Variants in SPHKAP observed in about 807,000 individuals in gnomAD.
SPHKAP encodes the protein SPHK1 interactor, AKAP domain containing.
SPHKAP carries 67 observed loss-of-function variants against 137.5 expected under a neutral mutation model. The observed-to-expected ratio is 0.49, with a 90% CI of 0.40 to 0.60. The LOEUF (loss-of-function observed/expected upper bound fraction) is 0.60, where lower values mean the gene tolerates loss of function less well. Among genes scored for constraint, SPHKAP ranks in the 20% least tolerant of loss-of-function variants. The pLI is 0.00. For missense variants in SPHKAP, 2,097 were observed against 2,069.3 expected (o/e 1.01, Z -0.26); for synonymous variants, 813 against 785.3 (o/e 1.04, Z -0.59).
intron 7 of SPHKAP, chr2:227,996,209 T>C (rs1479252879): frequency 1.4e-5 from 11 of 768,478 alleles, no homozygotes; most frequent in Non-Finnish European, 1.6e-5. Context: ...TATATTTTGA[T>C]ATGCATGCCT....
intron 3 of SPHKAP, among the ~76,000 whole-genome samples, chr2:228,098,145 T>TG (rs111628888): frequency 0.032 from 2,484 of 76,674 alleles, 67 homozygotes; most frequent in African/African-American, 0.1. Context: ...TGCCAACATA[T>TG]TTTTTTTTTA....
At chr2:228,015,594 T>C (rs1694550597) in intron 7 of SPHKAP, among the ~76,000 whole-genome samples, 1 of 152,230 alleles carries the variant, frequency 6.6e-6, no homozygotes, top group South Asian at 2.1e-4. Flanking sequence ...GGAGAGTTCT[T>C]TAAGCAGCCT....
intron 5 of SPHKAP, chr2:228,022,247 A>C (rs1337732713): frequency 1.1e-6 from 1 of 945,460 alleles, no homozygotes; most frequent in East Asian, 1.2e-4. Context: ...AACTGGGTAA[A>C]GTTAAACAGG....
At chr2:228,123,060 C>T (rs1574869824) in intron 2 of SPHKAP, among the ~76,000 whole-genome samples, 1 of 152,134 alleles carries the variant, frequency 6.6e-6, no homozygotes, top group South Asian at 2.1e-4. Context: ...ATCCACTACC[C>T]CTACACTGGT....
chr2:227,981,831 C>A lies in SPHKAP; in HGVS notation c.4989G>T (p.Arg1663=), dbSNP rs1574702888. The A allele has an allele frequency of 1.2e-6, 2 of 1,613,646 alleles. No homozygotes were observed. Among genetic ancestry groups the A allele is most frequent in the East Asian group, 4.5e-5 (2 of 44,834 alleles). ...KFLDVVQLVH[R]KSWKVGDIFH... ...AGATATCACCCACTTTCCAGGACTTCCGATGAACCAGCTGCACGACATCTA... is the reference window on the plus strand; with the variant it reads ...AGATATCACCCACTTTCCAGGACTTACGATGAACCAGCTGCACGACATCTA... Residue 1663 remains arginine, a synonymous_variant, in exon 12 of 12, where the codon CGG becomes CGT. Transcript: ENST00000392056.
intron 3 of SPHKAP, among the ~76,000 whole-genome samples, chr2:228,033,154 C>A (rs945326302): frequency 6.6e-6 from 1 of 152,014 alleles, no homozygotes; most frequent in Non-Finnish European, 1.5e-5. Flanking sequence ...CAGAGACACA[C>A]ATAGGCTCAA....
intron 11 of SPHKAP, among the ~76,000 whole-genome samples, chr2:227,989,784 T>G (rs1449011569): frequency 4.3e-4 from 65 of 150,172 alleles, no homozygotes; most frequent in Middle Eastern, 3.6e-3. Flanking sequence ...TTTTGTTTTT[T>G]TTTTTTTTTT....
chr2:228,016,958 T>G lies in SPHKAP; in HGVS notation c.3896A>C (p.Asp1299Ala). The G allele has an allele frequency of 6.2e-7, 1 of 1,614,100 alleles. No individual in the cohort carries two copies. The highest frequency in any genetic ancestry group is 8.5e-7 in the Non-Finnish European group (1 of 1,180,024). ...DSCLYRRGGT[D>A]HITNMLIHET... ...ATGAATTAACATGTTGGTGATGTGG[T>G]CAGTCCCACCTCTCCGATACAAGCA... Residue 1299 changes from aspartate (D) to alanine (A), a missense_variant, in exon 7 of 12, where the codon GAC (aspartate) becomes GCC (alanine). By Grantham distance (126) the Asp-to-Ala change is moderately radical. Coordinates refer to ENST00000392056, the MANE Select transcript of SPHKAP (RefSeq NM_001142644.2).
chr2:228,133,010 C>T (rs2106376724), intron 1 of SPHKAP, among the ~76,000 whole-genome samples: 1 of 149,202 alleles, frequency 6.7e-6, no homozygotes, highest in African/African-American at 2.5e-5. Flanking sequence ...AAACAAAAAA[C>T]AAACAAACAA....
At chr2:228,049,890 G>A (rs1365280181) in intron 3 of SPHKAP, among the ~76,000 whole-genome samples, 1 of 152,030 alleles carries the variant, frequency 6.6e-6, no homozygotes, top group Non-Finnish European at 1.5e-5. Context: ...TCTTTATCCA[G>A]GGTAAACAGA....
chr2:228,173,652 C>T (rs75678868), intron 1 of SPHKAP, among the ~76,000 whole-genome samples: 2,225 of 152,114 alleles, frequency 0.015, 27 homozygotes, highest in Non-Finnish European at 0.021. Flanking sequence ...ATTTCTCCTG[C>T]GAAACCTCCA....
At chr2:228,024,402 C>G (rs998004961) in intron 5 of SPHKAP, among the ~76,000 whole-genome samples, 4 of 146,046 alleles carry the variant, frequency 2.7e-5, no homozygotes, top group Non-Finnish European at 6.0e-5. Context: ...ATAAAATCTT[C>G]ACTCTCAAAG....
At chr2:228,047,848 C>T (rs909884691) in intron 3 of SPHKAP, among the ~76,000 whole-genome samples, 3 of 152,176 alleles carry the variant, frequency 2.0e-5, no homozygotes, top group Non-Finnish European at 4.4e-5. Context: ...AAAATTGATA[C>T]TGAAGTCTGG....
intron 3 of SPHKAP, among the ~76,000 whole-genome samples, chr2:228,053,787 A>C (rs564253045): frequency 5.3e-5 from 8 of 152,264 alleles, no homozygotes; most frequent in Non-Finnish European, 1.0e-4. Flanking sequence ...TGTATTTAGC[A>C]TTCTTATCTG....
At chr2:228,140,281 G>C (rs1185094750) in intron 1 of SPHKAP, among the ~76,000 whole-genome samples, 1 of 151,310 alleles carries the variant, frequency 6.6e-6, no homozygotes, top group African/African-American at 2.4e-5. Flanking sequence ...AAAAAAATGA[G>C]GTATATATTT....
At chr2:228,012,235 C>A (rs1694413117) in intron 7 of SPHKAP, among the ~76,000 whole-genome samples, 1 of 150,452 alleles carries the variant, frequency 6.6e-6, no homozygotes, top group Admixed American at 6.6e-5. Flanking sequence ...ATTACATTCA[C>A]CATTCTGGGC....
chr2:228,033,173 G>A (rs559886505), intron 3 of SPHKAP, among the ~76,000 whole-genome samples: 3 of 152,184 alleles, frequency 2.0e-5, no homozygotes, highest in East Asian at 3.9e-4. Flanking sequence ...AAAATAAAGG[G>A]ATGGAGGAAG....
At chr2:228,154,512 C>CTCTCTCTATA (rs1393941364) in intron 1 of SPHKAP, among the ~76,000 whole-genome samples, 39 of 22,064 alleles carry the variant, frequency 1.8e-3, no homozygotes, top group African/African-American at 2.4e-3. Flanking sequence ...CTCTCTCTCT[C>CTCTCTCTATA]TATATATATA....
At chr2:228,118,234 TAC>T (rs1465042031) in intron 2 of SPHKAP, among the ~76,000 whole-genome samples, 1 of 132,098 alleles carries the variant, frequency 7.6e-6, no homozygotes, top group Non-Finnish European at 1.6e-5. Flanking sequence ...TCTGTGGAGA[TAC>T]ACAGTTTTTT....
Sources: allele counts gnomAD v4.1 joint callset (sites outside exome capture counted in the v4.1 genomes callset), GRCh38; gene constraint gnomAD v4.1.1; transcripts MANE v1.5; gene names NCBI Gene and HGNC (gene_info 2026-07-23, HGNC 2026-07-21).